Variants in CC2D2B observed in about 807,000 individuals in gnomAD.
The protein encoded by CC2D2B is coiled-coil and C2 domain containing 2B.
CC2D2B carries 128 observed loss-of-function variants against 161.2 expected under a neutral mutation model. The ratio of observed to expected loss-of-function variants is 0.79; its 90% confidence interval spans 0.69 to 0.92. The LOEUF is 0.92. Ranked by LOEUF, CC2D2B falls within the 40% of genes least tolerant of loss-of-function variation. The pLI, the probability that CC2D2B is intolerant of heterozygous loss-of-function variation, is 0.00. For synonymous variants in CC2D2B, 391 were observed against 449.8 expected, an observed-to-expected ratio of 0.87 and a Z score of 1.65; for missense variants, 1,173 against 1,375.1, an observed-to-expected ratio of 0.85 and a Z score of 2.32.
intron 28 of CC2D2B, 37 bp downstream of exon 28, chr10:96,012,766 T>TA: frequency 7.9e-7 from 1 of 1,259,052 alleles, no homozygotes; most frequent in South Asian, 1.2e-5. Context: ...TCATTGTGAT[T>TA]AAAGGGCATC....
intron 19 of CC2D2B, among the ~76,000 whole-genome samples, chr10:95,985,234 C>A (rs2077672633): frequency 6.6e-6 from 1 of 152,122 alleles, no homozygotes; most frequent in Admixed American, 6.5e-5. Flanking sequence ...AATTCCCAAC[C>A]AAAGAAATAG....
rs540013090 is a variant in CC2D2B at position 96,029,012 on chromosome 10, T to C, written c.4125+1623T>C. Among the ~76,000 whole-genome samples the C allele has an allele frequency of 2.0e-5, 3 of 151,876 alleles. No homozygotes were observed. The East Asian group carries it at 5.8e-4, about 29-fold the overall frequency. On this transcript the variant is annotated intron_variant, in intron 34 of 34. Transcript: ENST00000646931. Reference sequence around the variant, plus strand: ...AGTTCAGAGGGAGGTGGGGAATGGGTAATGGATACAAAAAATAGAATGAAT... The same window carrying C: ...AGTTCAGAGGGAGGTGGGGAATGGGCAATGGATACAAAAAATAGAATGAAT...
intron 6 of CC2D2B, among the ~76,000 whole-genome samples, chr10:95,935,963 A>G (rs985585476): frequency 5.3e-5 from 8 of 152,166 alleles, no homozygotes; most frequent in Non-Finnish European, 1.0e-4. Context: ...ATTTGAATGA[A>G]TATTGATTAA....
rs1343369243 is a variant in CC2D2B at position 96,019,725 on chromosome 10, TA to T, written c.3791del (p.Asn1264IlefsTer37). ...RNVWFNIQQN[N>X]TPMAVFFDYS... ...AGGTCTGGTTTAATATTCAACAAAA[TA>T]ATACACCAATGGCTGTATTTTTTGA... On this transcript the variant is annotated frameshift_variant, in exon 32 of 35. Coordinates refer to ENST00000646931, the MANE Select transcript of CC2D2B (RefSeq NM_001349008.3). LOFTEE classifies it high-confidence loss of function. The T allele has an allele frequency of 6.3e-7, 1 of 1,597,114 alleles. No homozygotes were observed.
chr10:96,011,831 C>T (rs1348851474), intron 26 of CC2D2B, among the ~76,000 whole-genome samples: 2 of 152,244 alleles, frequency 1.3e-5, no homozygotes, highest in East Asian at 3.9e-4. Context: ...CATATTTTCT[C>T]TTTCTGGACC....
intron 2 of CC2D2B, among the ~76,000 whole-genome samples, chr10:95,913,081 T>C (rs2098509402): frequency 1.3e-5 from 2 of 152,060 alleles, no homozygotes; most frequent in Non-Finnish European, 2.9e-5. Context: ...TTGTACTTAT[T>C]AACCTTCCCC....
intron 11 of CC2D2B, among the ~76,000 whole-genome samples, chr10:95,958,787 A>T (rs1401777623): frequency 6.7e-6 from 1 of 150,132 alleles, no homozygotes; most frequent in Non-Finnish European, 1.5e-5. Flanking sequence ...CAACATATTC[A>T]GTGGAGGAGA....
At chr10:96,013,951 T>G (rs2079092859) in intron 29 of CC2D2B, 74 bp downstream of exon 29, 1 of 613,808 alleles carries the variant, frequency 1.6e-6, no homozygotes, top group Non-Finnish European at 2.5e-6. Context: ...AAAAATATTA[T>G]GTATTTATGT....
chr10:95,978,757 C>T (rs764035496), intron 17 of CC2D2B, among the ~76,000 whole-genome samples: 4 of 152,140 alleles, frequency 2.6e-5, no homozygotes, highest in South Asian at 4.1e-4. Context: ...TGAATTTCTG[C>T]GTACTATTTT....
chr10:95,938,575 A>C lies in CC2D2B; in HGVS notation c.542A>C (p.Asn181Thr). 1.4e-6 allele frequency: 1 copy of C among 694,678 alleles called. No homozygotes were observed. The highest frequency in any genetic ancestry group is 2.7e-5 in the East Asian group (1 of 37,138). The allele number at this position is 694,678 out of a possible 1,614,324, so 43.0% of individuals were successfully genotyped here. A position where few individuals can be genotyped will look rare whatever the true frequency, so the allele number is the denominator to read the frequency against. Residue 181 changes from asparagine (N) to threonine (T), a missense_variant, in exon 8 of 35, where the codon AAC becomes ACC. Physicochemically the swap from Asn to Thr is moderately conservative, Grantham distance 65. Around this residue, in one of 3 missense-constraint regions of CC2D2B, gnomAD observed 298 missense variants for 261.2 expected, o/e 1.14. Coordinates refer to ENST00000646931, the MANE Select transcript of CC2D2B (RefSeq NM_001349008.3). ...AAGTTTTATTGTTATAAAGTGGTTA[A>C]CCAGCGCAAACTGCCAAAAGATATG... is the stretch of plus-strand genomic sequence containing the variant. Reference protein sequence around the residue: ...IFVPSSSPVVNQRKLPKDMMP... With the variant: ...IFVPSSSPVVTQRKLPKDMMP...
At chr10:95,941,477 A>C (rs1185455862) in intron 9 of CC2D2B, among the ~76,000 whole-genome samples, 2 of 152,154 alleles carry the variant, frequency 1.3e-5, no homozygotes, top group African/African-American at 4.8e-5. Context: ...ATATATAAAG[A>C]ACTGATTTAA....
chr10:96,012,236 T>TG lies in CC2D2B; in HGVS notation c.3099dup (p.Ser1034GlufsTer2), dbSNP rs1257600412. 4.2e-6 allele frequency: 3 copies of TG among 708,520 alleles called. No individual in the cohort carries two copies. The East Asian group carries it at 8.1e-5, about 19-fold the overall frequency. 43.9% of individuals were successfully genotyped at this position (708,520 alleles called of 1,614,324 possible). Reference sequence around the variant, plus strand: ...TCCACCAGTTTTGCTCGGGTATACTTGGAGTAATACTTATGTATTTCCTAA... The same window carrying TG: ...TCCACCAGTTTTGCTCGGGTATACTTGGGAGTAATACTTATGTATTTCCTAA... On this transcript the variant is annotated frameshift_variant, in exon 27 of 35. Transcript: ENST00000646931. LOFTEE classifies it high-confidence loss of function.
chr10:95,926,815 A>AGTGTGTGTGT (rs71486778), intron 5 of CC2D2B, among the ~76,000 whole-genome samples: 15,334 of 134,804 alleles, frequency 0.11, 1,063 homozygotes, highest in African/African-American at 0.17. Context: ...CTGAGGTGGC[A>AGTGTGTGTGT]GTGTGTGTGT....
At chr10:96,000,003 C>A (rs1331794467) in intron 24 of CC2D2B, 6 of 1,114,858 alleles carry the variant, frequency 5.4e-6, no homozygotes, top group African/African-American at 3.2e-5. Flanking sequence ...TGGCAAGAAT[C>A]TTGCCCTTCT....
intron 25 of CC2D2B, among the ~76,000 whole-genome samples, chr10:96,006,861 T>G (rs1342490342): frequency 1.3e-5 from 2 of 152,168 alleles, no homozygotes; most frequent in Non-Finnish European, 2.9e-5. Flanking sequence ...CACATACACA[T>G]TATAGCTCCA....
chr10:95,926,100 G>A (rs1191427209), intron 5 of CC2D2B, among the ~76,000 whole-genome samples: 3 of 152,062 alleles, frequency 2.0e-5, no homozygotes, highest in East Asian at 1.9e-4. Flanking sequence ...AAAGGTAAAC[G>A]CAGACTAAAA....
At chr10:95,934,008 C>G (rs1009361461) in intron 6 of CC2D2B, among the ~76,000 whole-genome samples, 1 of 152,204 alleles carries the variant, frequency 6.6e-6, no homozygotes, top group Non-Finnish European at 1.5e-5. Context: ...GTGCTCTGTC[C>G]CAGGAGATGG....
At chr10:95,998,292 C>T (rs181930412) in intron 24 of CC2D2B, among the ~76,000 whole-genome samples, 164 of 152,142 alleles carry the variant, frequency 1.1e-3, no homozygotes, top group African/African-American at 3.8e-3. Flanking sequence ...CCATATTTAA[C>T]GTTAGGGTTT....
chr10:95,990,333 A>AAC (rs1197303596), intron 20 of CC2D2B, among the ~76,000 whole-genome samples: 1 of 152,154 alleles, frequency 6.6e-6, no homozygotes, highest in African/African-American at 2.4e-5. Flanking sequence ...GTAAGAAGGT[A>AAC]ACACTTCTGC....
Sources: allele counts gnomAD v4.1 joint callset (sites outside exome capture counted in the v4.1 genomes callset), GRCh38; gene constraint gnomAD v4.1.1; regional missense constraint gnomAD v4.1.1; transcripts MANE v1.5; gene names NCBI Gene and HGNC (gene_info 2026-07-23, HGNC 2026-07-21).